VPS13B: variants seen among roughly 807,000 people sequenced by gnomAD.
The protein encoded by VPS13B is intermembrane lipid transfer protein VPS13B.
A neutral mutation model predicts 426.4 loss-of-function variants in VPS13B; 285 were observed. The observed-to-expected ratio is 0.67, with a 90% confidence interval of 0.61 to 0.74. VPS13B has a LOEUF of 0.74. VPS13B is among the 30% of genes least tolerant of loss of function. The pLI is 0.00. For synonymous variants in VPS13B, 1,676 were observed against 1,676.4 expected (o/e 1.00, Z 0.01); for missense variants, 4,537 against 4,782.6 (o/e 0.95, Z 1.51).
chr8:99,213,751 A>G (rs1253440902), intron 17 of VPS13B, among the ~76,000 whole-genome samples: 1 of 150,762 alleles, frequency 6.6e-6, no homozygotes, highest in African/African-American at 2.4e-5. Flanking sequence ...GCTTAGCTTT[A>G]TGTATTGAAA....
intron 3 of VPS13B, among the ~76,000 whole-genome samples, chr8:99,086,243 G>T (rs1194449854): frequency 6.6e-6 from 1 of 152,014 alleles, no homozygotes; most frequent in Non-Finnish European, 1.5e-5. Context: ...TCTTCCAATT[G>T]ATTGAATCGG....
intron 3 of VPS13B, among the ~76,000 whole-genome samples, chr8:99,044,076 C>A: frequency 9.4e-6 from 1 of 106,458 alleles, no homozygotes; most frequent in Non-Finnish European, 2.0e-5. Context: ...TTTTTTTTTT[C>A]TTTCTTTCTT....
chr8:99,357,491 A>T (rs184635130), intron 19 of VPS13B, among the ~76,000 whole-genome samples: 4 of 152,256 alleles, frequency 2.6e-5, no homozygotes, highest in Admixed American at 2.6e-4. Context: ...TTTTCATAGC[A>T]TCTGTCCCAG....
At chr8:99,447,320 C>T (rs1452350237) in intron 23 of VPS13B, among the ~76,000 whole-genome samples, 1 of 152,052 alleles carries the variant, frequency 6.6e-6, no homozygotes, top group Non-Finnish European at 1.5e-5. Context: ...GTGGGTTTTC[C>T]CCCCACCCAT....
chr8:99,338,948 T>C (rs946005553), intron 19 of VPS13B, among the ~76,000 whole-genome samples: 3 of 152,286 alleles, frequency 2.0e-5, no homozygotes, highest in African/African-American at 7.2e-5. Flanking sequence ...ATATAATGAG[T>C]ATCACAGATC....
intron 54 of VPS13B, among the ~76,000 whole-genome samples, chr8:99,842,129 T>A (rs949897590): frequency 1.3e-5 from 2 of 152,228 alleles, no homozygotes; most frequent in African/African-American, 2.4e-5. Context: ...TATATAGAGA[T>A]ATCAGTAGTA....
chr8:99,516,371 C>A (rs562226487), intron 29 of VPS13B, among the ~76,000 whole-genome samples: 1 of 152,170 alleles, frequency 6.6e-6, no homozygotes, highest in South Asian at 2.1e-4. Context: ...ATTGAAGGAG[C>A]AATTTCATTA....
intron 32 of VPS13B, among the ~76,000 whole-genome samples, chr8:99,576,912 T>C (rs111297549): frequency 6.6e-6 from 1 of 152,298 alleles, no homozygotes; most frequent in East Asian, 1.9e-4. Context: ...TCCGTTTTCT[T>C]ATAAATCATT....
At chr8:99,820,583 A>G (rs1186682974) in intron 49 of VPS13B, among the ~76,000 whole-genome samples, 1 of 152,178 alleles carries the variant, frequency 6.6e-6, no homozygotes, top group Admixed American at 6.6e-5. Context: ...GTTCATAATT[A>G]TGGATGTCTA....
intron 19 of VPS13B, 103 bp from the exon 20 acceptor site, chr8:99,384,105 G>C: frequency 1.0e-6 from 1 of 963,486 alleles, no homozygotes; most frequent in South Asian, 1.3e-5. Context: ...GCTTGTTACT[G>C]TTTGTCTGTT....
chr8:99,811,704 A>G (rs1410015437), intron 44 of VPS13B, among the ~76,000 whole-genome samples: 1 of 152,148 alleles, frequency 6.6e-6, no homozygotes, highest in Non-Finnish European at 1.5e-5. Flanking sequence ...CGTAGTCAAG[A>G]TCATAGGCAA....
chr8:99,262,680 A>G (rs1330376530), intron 17 of VPS13B, among the ~76,000 whole-genome samples: 1 of 152,122 alleles, frequency 6.6e-6, no homozygotes, highest in Admixed American at 6.5e-5. Flanking sequence ...TTTCTCTTTC[A>G]GAAACCTTTA....
intron 4 of VPS13B, among the ~76,000 whole-genome samples, chr8:99,098,081 A>G (rs1388327150): frequency 6.6e-6 from 1 of 152,194 alleles, no homozygotes; most frequent in African/African-American, 2.4e-5. Context: ...AAATTAGATT[A>G]TAATTATTGA....
intron 19 of VPS13B, among the ~76,000 whole-genome samples, chr8:99,360,290 T>A (rs1485080619): frequency 1.2e-4 from 17 of 145,704 alleles, no homozygotes; most frequent in African/African-American, 3.8e-4. Context: ...TTCTTTCTTT[T>A]TTTTTGTTAT....
At chr8:99,614,232 A>C (rs1200334177) in intron 33 of VPS13B, among the ~76,000 whole-genome samples, 1 of 151,640 alleles carries the variant, frequency 6.6e-6, no homozygotes, top group Non-Finnish European at 1.5e-5. Context: ...TCCCTAAAAT[A>C]GTTTTTATTT....
chr8:99,254,546 T>C (rs1817656204), intron 17 of VPS13B, among the ~76,000 whole-genome samples: 1 of 151,852 alleles, frequency 6.6e-6, no homozygotes, highest in African/African-American at 2.4e-5. Flanking sequence ...GCTCAGTTTC[T>C]TAATGTTTAG....
chr8:99,289,066 A>AAT lies in VPS13B; in HGVS notation c.2824+13812_2824+13813insAT, dbSNP rs1350775653. Among the ~76,000 whole-genome samples the AAT allele has an allele frequency of 4.6e-3, 210 of 45,622 alleles. 2 individuals are homozygous for AAT. Among genetic ancestry groups the AAT allele is most frequent in the South Asian group, 0.021 (26 of 1,236 alleles). The allele number at this position is 45,622 out of a possible 152,430, so 29.9% of individuals were successfully genotyped here. On this transcript the variant is annotated intron_variant, in intron 19 of 61. Coordinates refer to ENST00000357162, the MANE Select transcript of VPS13B (RefSeq NM_152564.5). ...ATGAATGAATGAATGAATGAATGAAAGAAGGAAGGAAGGAAGGAAAGAAAG... is the reference window on the plus strand; with the variant it reads ...ATGAATGAATGAATGAATGAATGAAAATGAAGGAAGGAAGGAAGGAAAGAAAG...
At chr8:99,333,492 G>T (rs1391180145) in intron 19 of VPS13B, among the ~76,000 whole-genome samples, 1 of 151,742 alleles carries the variant, frequency 6.6e-6, no homozygotes, top group African/African-American at 2.4e-5. Context: ...ATCTTGTTCA[G>T]ATTTCCCCTG....
chr8:99,664,786 A>G (rs1426503321), intron 35 of VPS13B, among the ~76,000 whole-genome samples: 1 of 152,320 alleles, frequency 6.6e-6, no homozygotes, highest in Non-Finnish European at 1.5e-5. Flanking sequence ...ATACGTGTGC[A>G]TGTGTCTTTA....
Sources: allele counts gnomAD v4.1 joint callset (sites outside exome capture counted in the v4.1 genomes callset), GRCh38; gene constraint gnomAD v4.1.1; transcripts MANE v1.5; gene names NCBI Gene and HGNC (gene_info 2026-07-23, HGNC 2026-07-21).